Variants in GNA12 observed in about 807,000 individuals in gnomAD.
GNA12 encodes G protein subunit alpha 12.
GNA12 carries 9 observed loss-of-function variants against 26.0 expected under a neutral mutation model. The ratio of observed to expected loss-of-function variants is 0.35; its 90% confidence interval spans 0.21 to 0.60. The LOEUF (loss-of-function observed/expected upper bound fraction) is 0.60, where lower values mean the gene tolerates loss of function less well. Among genes scored for constraint, GNA12 ranks in the 20% least tolerant of loss-of-function variants. The pLI, the probability that GNA12 is intolerant of heterozygous loss-of-function variation, is 0.78. For missense variants in GNA12, 405 were observed against 525.8 expected, an observed-to-expected ratio of 0.77 and a Z score of 2.25; for synonymous variants, 264 against 219.6, an observed-to-expected ratio of 1.20 and a Z score of -1.79.
At chr7:2,831,576 T>C (rs1778659757) in intron 1 of GNA12, among the ~76,000 whole-genome samples, 1 of 152,046 alleles carries the variant, frequency 6.6e-6, no homozygotes, top group Admixed American at 6.6e-5. Context: ...GTTATTTTTT[T>C]GTATTTTTAG....
At chr7:2,792,645 C>T (rs16870623) in intron 2 of GNA12, among the ~76,000 whole-genome samples, 2,954 of 152,358 alleles carry the variant, frequency 0.019, 54 homozygotes, top group Middle Eastern at 0.075. Flanking sequence ...CATTGAGATA[C>T]TGACATGTAT....
rs137965504 is a variant in GNA12, at chr7:2,741,678, G to A, written c.526-8177C>T. On this transcript the variant is annotated intron_variant, in intron 2 of 3. Coordinates refer to ENST00000275364, the MANE Select transcript of GNA12 (RefSeq NM_007353.3). ...TCTTCTCTCATTTGCTTTATCCTTC[G>A]CTCGCTCTCTTTCAATACACAGACT... Among the ~76,000 whole-genome samples, 285 of 151,928 alleles carry A rather than the reference G, an allele frequency of 1.9e-3. 1 individual carries two copies. Among genetic ancestry groups the A allele is most frequent in the Non-Finnish European group, 3.6e-3 (242 of 67,962 alleles).
intron 1 of GNA12, among the ~76,000 whole-genome samples, chr7:2,832,961 C>T (rs568380470): frequency 3.3e-5 from 5 of 152,332 alleles, no homozygotes; most frequent in South Asian, 2.1e-4. Flanking sequence ...GCTTCTCTAA[C>T]GGCTAACACA....
intron 2 of GNA12, 110 bp downstream of exon 2, chr7:2,794,818 G>C (rs576875175): frequency 6.5e-6 from 5 of 774,946 alleles, no homozygotes; most frequent in Non-Finnish European, 1.1e-5. Flanking sequence ...CGGTGATTTA[G>C]AGCTTGCTTG....
At chr7:2,758,282 T>C (rs537869435) in intron 2 of GNA12, among the ~76,000 whole-genome samples, 1 of 152,236 alleles carries the variant, frequency 6.6e-6, no homozygotes, top group East Asian at 1.9e-4. Context: ...CCTAGCACTT[T>C]AAGAAAACAA....
intron 3 of GNA12, among the ~76,000 whole-genome samples, chr7:2,732,292 C>G (rs911059858): frequency 2.6e-5 from 4 of 152,130 alleles, no homozygotes; most frequent in African/African-American, 9.7e-5. Flanking sequence ...TGGCTCACAC[C>G]TATAATCCTG....
At chr7:2,781,407 A>AGTGTGTGTGT (rs1444568534) in intron 2 of GNA12, among the ~76,000 whole-genome samples, 2 of 58,858 alleles carry the variant, frequency 3.4e-5, no homozygotes, top group African/African-American at 5.9e-5. Context: ...TTTCAAAGTA[A>AGTGTGTGTGT]GTGTCTGTGT....
At chr7:2,764,373 G>C (rs765578896) in intron 2 of GNA12, among the ~76,000 whole-genome samples, 24 of 151,680 alleles carry the variant, frequency 1.6e-4, no homozygotes, top group Non-Finnish European at 3.2e-4. Flanking sequence ...GTGTGCTCCC[G>C]CATCCAGGCA....
chr7:2,818,932 C>T (rs142926595), intron 1 of GNA12, among the ~76,000 whole-genome samples: 1,523 of 152,212 alleles, frequency 0.01, 12 homozygotes, highest in Middle Eastern at 0.075. Flanking sequence ...GCCCGTGGCA[C>T]GGGCAGAATT....
chr7:2,734,965 C>T (rs961946659), intron 2 of GNA12, among the ~76,000 whole-genome samples: 3 of 152,188 alleles, frequency 2.0e-5, no homozygotes, highest in African/African-American at 7.2e-5. Context: ...CCCTTCCTCG[C>T]CAAGCCCCCG....
intron 1 of GNA12, chr7:2,835,873 G>A: frequency 1.7e-6 from 1 of 581,816 alleles, no homozygotes; most frequent in East Asian, 3.2e-5. Context: ...AGAAACACAG[G>A]AAATGTTAGA....
chr7:2,739,138 C>G (rs1790370062), intron 2 of GNA12, among the ~76,000 whole-genome samples: 1 of 152,200 alleles, frequency 6.6e-6, no homozygotes, highest in Admixed American at 6.5e-5. Flanking sequence ...AGCACCAGCC[C>G]CCTTGCCTGG....
At position 2,771,553 on chromosome 7, in the gene GNA12, G is replaced by A. The variant is rs754687473; in HGVS notation, c.525+23375C>T. Among the ~76,000 whole-genome samples, 3 of 152,152 alleles carry A rather than the reference G, an allele frequency of 2.0e-5. No homozygotes were observed. In the East Asian group the frequency reaches 5.8e-4, roughly 29 times the overall value. ...ATTCTCATGTAAGTCAGATCTTAGA[G>A]GACACTCCCTTCTTTGTGTGGCCTC... On this transcript the variant is annotated intron_variant, in intron 2 of 3. Transcript: ENST00000275364.
At chr7:2,814,821 C>G in intron 1 of GNA12, 2 of 1,542,628 alleles carry the variant, frequency 1.3e-6, no homozygotes. Flanking sequence ...AAGCACCCTT[C>G]CTGTGCTCCC....
At chr7:2,770,852 C>A (rs1463888629) in intron 2 of GNA12, among the ~76,000 whole-genome samples, 1 of 152,174 alleles carries the variant, frequency 6.6e-6, no homozygotes, top group Non-Finnish European at 1.5e-5. Flanking sequence ...ACTGGCACTG[C>A]CTAAGTGCAA....
chr7:2,812,853 A>G (rs908126759), intron 1 of GNA12, among the ~76,000 whole-genome samples: 3 of 152,202 alleles, frequency 2.0e-5, no homozygotes, highest in African/African-American at 7.2e-5. Context: ...CAAAGCAGTT[A>G]TTTGGCCCCT....
chr7:2,739,445 G>A (rs1433289192), intron 2 of GNA12, among the ~76,000 whole-genome samples: 1 of 152,114 alleles, frequency 6.6e-6, no homozygotes, highest in African/African-American at 2.4e-5. Flanking sequence ...CCATGCTGTG[G>A]CACAGGCCAG....
chr7:2,788,789 A>C (rs1379779204), intron 2 of GNA12, among the ~76,000 whole-genome samples: 1 of 152,054 alleles, frequency 6.6e-6, no homozygotes, highest in African/African-American at 2.4e-5. Flanking sequence ...AGCCCAGGAG[A>C]GCTCAGCCGG....
chr7:2,806,442 A>C (rs1310665254), intron 1 of GNA12, among the ~76,000 whole-genome samples: 1 of 138,308 alleles, frequency 7.2e-6, no homozygotes, highest in Non-Finnish European at 1.5e-5. Context: ...TGGGGGATAG[A>C]GCGAGACTCT....
Sources: gnomAD v4.1 joint callset for allele counts (sites outside exome capture counted in the v4.1 genomes callset) on GRCh38, gnomAD v4.1.1 for gene constraint, MANE v1.5 for transcripts, NCBI Gene and HGNC (gene_info 2026-07-23, HGNC 2026-07-21) for gene names.